Variants in DOCK5 observed in about 807,000 individuals in gnomAD.
The protein encoded by DOCK5 is dedicator of cytokinesis 5.
In DOCK5, 142 loss-of-function variants were observed where a neutral mutation model predicts 251.8. The observed-to-expected ratio is 0.56, with a 90% confidence interval of 0.49 to 0.65. DOCK5 has a LOEUF of 0.65. DOCK5 is among the 30% of genes least tolerant of loss of function. The pLI is 0.00. For synonymous variants in DOCK5, 842 were observed against 835.5 expected (o/e 1.01, Z -0.13); for missense variants, 2,111 against 2,312.3 (o/e 0.91, Z 1.79).
At chr8:25,300,087 G>A (rs1275615696) in intron 8 of DOCK5, among the ~76,000 whole-genome samples, 2 of 152,086 alleles carry the variant, frequency 1.3e-5, no homozygotes, top group Non-Finnish European at 2.9e-5. Context: ...TGTATTTTTA[G>A]TAGAGATGGA....
chr8:25,277,669 A>G (rs1392050095), intron 4 of DOCK5, among the ~76,000 whole-genome samples: 1 of 152,280 alleles, frequency 6.6e-6, no homozygotes, highest in African/African-American at 2.4e-5. Flanking sequence ...GCCACCCACC[A>G]TGTTGGAGGA....
At chr8:25,251,046 G>A (rs1803255843) in intron 2 of DOCK5, among the ~76,000 whole-genome samples, 1 of 152,170 alleles carries the variant, frequency 6.6e-6, no homozygotes, top group African/African-American at 2.4e-5. Context: ...CCCCTCTCCT[G>A]TGATTAACGT....
At chr8:25,396,674 C>A (rs1035927750) in intron 45 of DOCK5, among the ~76,000 whole-genome samples, 3 of 152,022 alleles carry the variant, frequency 2.0e-5, no homozygotes, top group African/African-American at 7.3e-5. Flanking sequence ...GTCAAGGACG[C>A]CCCTGTGGAG....
At chr8:25,332,949 T>G (rs781151094) in intron 20 of DOCK5, among the ~76,000 whole-genome samples, 1 of 152,252 alleles carries the variant, frequency 6.6e-6, no homozygotes, top group African/African-American at 2.4e-5. Context: ...GTTTTATTTT[T>G]ATTAGAAATC....
At chr8:25,236,042 C>A (rs1586252091) in intron 1 of DOCK5, among the ~76,000 whole-genome samples, 1 of 152,088 alleles carries the variant, frequency 6.6e-6, no homozygotes, top group South Asian at 2.1e-4. Context: ...AAGTGAGCCA[C>A]CTGCCTCGGC....
intron 1 of DOCK5, 53 bp from the exon 2 acceptor site, chr8:25,243,621 G>T: frequency 1.3e-6 from 2 of 1,549,404 alleles, no homozygotes; most frequent in Middle Eastern, 1.7e-4. Context: ...GAGCCACCGT[G>T]CCCAGCCAAG....
chr8:25,302,354 C>G lies in DOCK5; in HGVS notation c.876C>G (p.Pro292=). The G allele has an allele frequency of 6.2e-7, 1 of 1,613,198 alleles. No homozygotes were observed. The highest frequency in any genetic ancestry group is 8.5e-7 in the Non-Finnish European group (1 of 1,179,554). The change falls in exon 10 of 52, where the codon CCC becomes CCG. Residue 292 remains proline (P), a synonymous_variant. Transcript: ENST00000276440. ...TDLSSMDLIR[P]RVSLVCQIVR... ...TTAGCAGCATGGACCTCATCCGGCC[C>G]CGCGTCAGCCTTGTGTGCCAGATTG... is the stretch of plus-strand genomic sequence containing the variant.
rs143281183 is a variant in DOCK5 at position 25,206,836 on chromosome 8, G to A, written c.43+21885G>A. Among the ~76,000 whole-genome samples the A allele has an allele frequency of 3.2e-4, 48 of 152,342 alleles. No homozygotes were observed. In the East Asian group the frequency reaches 7.7e-3, roughly 24 times the overall value. On this transcript the variant is annotated intron_variant, in intron 1 of 51. Coordinates refer to ENST00000276440, the MANE Select transcript of DOCK5 (RefSeq NM_024940.8). ...CAGGGGCAAAAGCTAAAAGGATGTC[G>A]TTTGGGAGTTGAGTTGGTGGCAACC... is the stretch of plus-strand genomic sequence containing the variant.
In DOCK5 at chr8:25,342,531, G is replaced by A. The variant is rs1182147511; in HGVS notation, c.2617+24G>A. The A allele has an allele frequency of 4.6e-6, 7 of 1,529,380 alleles. No homozygotes were observed. In the African/African-American group the frequency reaches 8.2e-5, roughly 18 times the overall value. 94.7% of individuals were successfully genotyped at this position (1,529,380 alleles called of 1,614,324 possible). A position where few individuals can be genotyped will look rare whatever the true frequency, so the allele number is the denominator to read the frequency against. ...AGGTAAGTCTCCTTCAAAACTTGCT[G>A]CATGAGGTTGCAGTGAGCTGAGATT... On this transcript the variant is annotated intron_variant, in intron 25 of 51. Coordinates refer to ENST00000276440, the MANE Select transcript of DOCK5 (RefSeq NM_024940.8).
chr8:25,274,401 C>T (rs1461249783), intron 3 of DOCK5, among the ~76,000 whole-genome samples: 2 of 152,212 alleles, frequency 1.3e-5, no homozygotes, highest in African/African-American at 4.8e-5. Context: ...TCACTGTCTC[C>T]GGATGACATC....
At chr8:25,347,542 C>G (rs892238585) in intron 26 of DOCK5, among the ~76,000 whole-genome samples, 1 of 152,148 alleles carries the variant, frequency 6.6e-6, no homozygotes, top group Non-Finnish European at 1.5e-5. Context: ...AAACTCAATA[C>G]TTTTTTAAAA....
chr8:25,210,041 T>TATATATATATATATATAA (rs1563309172), intron 1 of DOCK5, among the ~76,000 whole-genome samples: 2 of 17,324 alleles, frequency 1.2e-4, no homozygotes, highest in African/African-American at 5.6e-4. Context: ...TATAAATGTG[T>TATATATATATATATATAA]GTGTGTGTGT....
intron 40 of DOCK5, 97 bp downstream of exon 40, chr8:25,382,875 C>A: frequency 2.0e-6 from 2 of 987,622 alleles, no homozygotes; most frequent in South Asian, 1.6e-5. Flanking sequence ...GCTGCCGACC[C>A]GTGTTCTCGC....
chr8:25,240,079 G>C (rs1027382546), intron 1 of DOCK5, among the ~76,000 whole-genome samples: 1 of 152,156 alleles, frequency 6.6e-6, no homozygotes, highest in African/African-American at 2.4e-5. Flanking sequence ...TTTCTTCCCT[G>C]TGGGATATAC....
intron 41 of DOCK5, among the ~76,000 whole-genome samples, 173 bp from the exon 42 acceptor site, chr8:25,390,033 A>G (rs1801229772): frequency 6.6e-6 from 1 of 151,152 alleles, no homozygotes; most frequent in South Asian, 2.1e-4. Flanking sequence ...TGAATAAGGC[A>G]TTCCAGTGAT....
intron 48 of DOCK5, among the ~76,000 whole-genome samples, chr8:25,404,274 A>G (rs2248543): frequency 6.6e-6 from 1 of 152,104 alleles, no homozygotes; most frequent in Non-Finnish European, 1.5e-5. Context: ...TTTTCATTTA[A>G]TATTATATCT....
chr8:25,345,268 T>A (rs62502280), intron 25 of DOCK5: 6 of 395,972 alleles, frequency 1.5e-5, no homozygotes, highest in African/African-American at 4.2e-5. Context: ...TTTTTTTTTT[T>A]AATTCATTCA....
chr8:25,198,566 C>T (rs1801791776), intron 1 of DOCK5, among the ~76,000 whole-genome samples: 2 of 83,482 alleles, frequency 2.4e-5, no homozygotes, highest in Non-Finnish European at 3.1e-5. Flanking sequence ...AGCGAGACTC[C>T]ATCTCAAAAA....
Position 25,372,622 on chromosome 8 carries a change from G to C in DOCK5, c.3588G>C (p.Leu1196=). 1 of 1,608,248 alleles carries C rather than the reference G, an allele frequency of 6.2e-7. No homozygotes were observed. Among genetic ancestry groups the C allele is most frequent in the Non-Finnish European group, 8.5e-7 (1 of 1,177,690 alleles). The change falls in exon 35 of 52, where the codon CTG becomes CTC. Residue 1196 remains leucine (L), a synonymous_variant. Coordinates refer to ENST00000276440, the MANE Select transcript of DOCK5 (RefSeq NM_024940.8). ...LSSSGEVFAL[L]VSSLLENLLD... Reference sequence around the variant, plus strand: ...GCTCTGGGGAGGTCTTCGCCCTCCTGGTCAGCAGCCTCTTAGAGAACCTGC... The same window carrying C: ...GCTCTGGGGAGGTCTTCGCCCTCCTCGTCAGCAGCCTCTTAGAGAACCTGC...
Sources: allele counts gnomAD v4.1 joint callset (sites outside exome capture counted in the v4.1 genomes callset), GRCh38; gene constraint gnomAD v4.1.1; transcripts MANE v1.5; gene names NCBI Gene and HGNC (gene_info 2026-07-23, HGNC 2026-07-21).